The following ERG variants were observed in gnomAD, a reference collection of about 807,000 sequenced individuals.
ERG encodes ETS transcription factor ERG, also known as transcriptional regulator ERG.
ERG carries 9 observed loss-of-function variants against 55.3 expected under a neutral mutation model. That is an observed-to-expected ratio of 0.16 (90% CI 0.10 to 0.28). The LOEUF is 0.28. ERG is among the 10% of genes least tolerant of loss of function. The pLI is 1.00. For synonymous variants in ERG, 223 were observed against 237.3 expected, an observed-to-expected ratio of 0.94 and a Z score of 0.55; for missense variants, 434 against 631.6, an observed-to-expected ratio of 0.69 and a Z score of 3.35.
At chr21:38,619,547 T>C (rs1388956910) in intron 1 of ERG, among the ~76,000 whole-genome samples, 1 of 152,236 alleles carries the variant, frequency 6.6e-6, no homozygotes, top group East Asian at 1.9e-4. Flanking sequence ...CTAGCAATCA[T>C]AAAAGCATCA....
chr21:38,630,945 T>C (rs1366079802), intron 1 of ERG, among the ~76,000 whole-genome samples: 2 of 152,036 alleles, frequency 1.3e-5, no homozygotes, highest in African/African-American at 4.8e-5. Context: ...AAAAAATAAA[T>C]GAAGAAGAAC....
At chr21:38,571,735 A>G (rs1051478228) in intron 2 of ERG, among the ~76,000 whole-genome samples, 2 of 152,040 alleles carry the variant, frequency 1.3e-5, no homozygotes, top group African/African-American at 4.8e-5. Context: ...GTTTTCAACC[A>G]CCCCTCCTTT....
intron 1 of ERG, among the ~76,000 whole-genome samples, chr21:38,493,974 A>G (rs573868214): frequency 1.3e-5 from 2 of 152,334 alleles, no homozygotes; most frequent in African/African-American, 4.8e-5. Context: ...AGAAAAGGTT[A>G]CATCCGCGGG....
chr21:38,390,585 G>A lies in ERG; in HGVS notation c.919+410C>T, dbSNP rs548903522. On this transcript the variant is annotated intron_variant, in intron 9 of 9. Transcript: ENST00000288319. ...GAGAGATGATGATGAGAAGAGACACGAGGAGATGATGGCTATCTGTAAGCC... is the reference window on the plus strand; with the variant it reads ...GAGAGATGATGATGAGAAGAGACACAAGGAGATGATGGCTATCTGTAAGCC... 5.5e-4 allele frequency among the ~76,000 whole-genome samples: 84 copies of A among 152,266 alleles called. 1 individual carries two copies. Among genetic ancestry groups the A allele is most frequent in the African/African-American group, 2.0e-3 (82 of 41,536 alleles).
chr21:38,507,990 C>CAAAGACAG, intron 2 of ERG, among the ~76,000 whole-genome samples: 1 of 150,424 alleles, frequency 6.6e-6, no homozygotes, highest in Non-Finnish European at 1.5e-5. Context: ...CACACAGACA[C>CAAAGACAG]ACACACATGC....
chr21:38,570,577 G>A (rs137859674), intron 2 of ERG, among the ~76,000 whole-genome samples: 1 of 152,014 alleles, frequency 6.6e-6, no homozygotes, highest in Non-Finnish European at 1.5e-5. Flanking sequence ...TACTCAGTGG[G>A]GTCTAAATGT....
chr21:38,431,068 G>C (rs148178113), intron 2 of ERG, among the ~76,000 whole-genome samples: 1 of 152,240 alleles, frequency 6.6e-6, no homozygotes, highest in African/African-American at 2.4e-5. Flanking sequence ...ACAGCAGTTG[G>C]AGAATTAAGT....
At chr21:38,534,416 T>C (rs988249256) in intron 2 of ERG, among the ~76,000 whole-genome samples, 1 of 152,194 alleles carries the variant, frequency 6.6e-6, no homozygotes, top group Admixed American at 6.5e-5. Flanking sequence ...CTTCAACATA[T>C]AGTCTGCTTT....
intron 1 of ERG, among the ~76,000 whole-genome samples, chr21:38,635,954 G>A (rs1257234579): frequency 6.6e-6 from 1 of 152,148 alleles, no homozygotes; most frequent in Admixed American, 6.5e-5. Context: ...GATATGGTTT[G>A]GCTGTGTCCC....
intron 2 of ERG, among the ~76,000 whole-genome samples, chr21:38,424,728 A>T (rs1007854602): frequency 6.6e-6 from 1 of 152,202 alleles, no homozygotes; most frequent in African/African-American, 2.4e-5. Flanking sequence ...CCTGCAGCCA[A>T]TCTTTACATA....
chr21:38,659,429 C>T (rs1357642876), intron 1 of ERG, among the ~76,000 whole-genome samples: 7 of 152,224 alleles, frequency 4.6e-5, no homozygotes, highest in Admixed American at 4.6e-4. Flanking sequence ...GCCCCGGGAG[C>T]GGGCACCAGC....
intron 1 of ERG, among the ~76,000 whole-genome samples, chr21:38,464,043 CGAACACTAGG>C (rs1401091753): frequency 2.0e-5 from 3 of 151,390 alleles, no homozygotes; most frequent in Non-Finnish European, 4.4e-5. Flanking sequence ...GTAAAAACTC[CGAACACTAGG>C]ATGAGCACTG....
At chr21:38,485,759 A>T in intron 1 of ERG, among the ~76,000 whole-genome samples, 1 of 149,686 alleles carries the variant, frequency 6.7e-6, no homozygotes, top group East Asian at 2.0e-4. Context: ...CGCCTGGCCA[A>T]TATACAGTGT....
intron 2 of ERG, among the ~76,000 whole-genome samples, chr21:38,573,627 T>TG (rs1264284172): frequency 1.3e-5 from 2 of 152,246 alleles, no homozygotes; most frequent in Admixed American, 1.3e-4. Flanking sequence ...ACATGTTTTT[T>TG]GCTGACCTTC....
chr21:38,429,534 C>T lies in ERG; in HGVS notation c.237-5973G>A, dbSNP rs1300756522. ...GTGTATATACATGTATGCACATGTA[C>T]ATATATACATATGTGTATATGTACA... is the stretch of plus-strand genomic sequence containing the variant. On this transcript the variant is annotated intron_variant, in intron 2 of 9. Transcript: ENST00000288319. Among the ~76,000 whole-genome samples, 3 of 83,864 alleles carry T rather than the reference C, an allele frequency of 3.6e-5. 1 individual carries two copies. The highest frequency in any genetic ancestry group is 8.1e-5 in the Non-Finnish European group (3 of 37,146). 55.0% of individuals were successfully genotyped at this position (83,864 alleles called of 152,430 possible). A position where few individuals can be genotyped will look rare whatever the true frequency, so the allele number is the denominator to read the frequency against.
In ERG at chr21:38,548,846, C is replaced by A. The variant is rs187052498; in HGVS notation, c.-41+26816G>T. On this transcript the variant is annotated intron_variant, in intron 2 of 8. Transcript: ENST00000398897. ...TGACTTTGGGACGGGCACAGTGGCT[C>A]ACGCCTGTAATCCCAGCACTTTGGG... Among the ~76,000 whole-genome samples the A allele has an allele frequency of 9.3e-3, 1,411 of 150,910 alleles. 30 individuals are homozygous for A. The highest frequency in any genetic ancestry group is 0.032 in the African/African-American group (1,330 of 41,206).
At chr21:38,604,251 CAAAAA>C (rs397972884) in intron 1 of ERG, among the ~76,000 whole-genome samples, 1 of 94,142 alleles carries the variant, frequency 1.1e-5, no homozygotes. Context: ...GAGACTCCGT[CAAAAA>C]AAAAAAAAAA....
chr21:38,451,230 G>T (rs370376264), intron 1 of ERG: 14 of 505,104 alleles, frequency 2.8e-5, no homozygotes, highest in South Asian at 2.0e-4. Context: ...GATGGTAAAC[G>T]GAGAGTGCTG....
Position 38,460,264 on chromosome 21 carries a change from G to C in ERG, c.19-14643C>G, listed in dbSNP as rs1187946127. 1.3e-5 allele frequency among the ~76,000 whole-genome samples: 2 copies of C among 152,168 alleles called. No homozygotes were observed. Among genetic ancestry groups the C allele is most frequent in the Non-Finnish European group, 2.9e-5 (2 of 68,026 alleles). ...CAGGAGGTGAACCAGGAAAGGCTGG[G>C]GGTGGTAGAGCCTTGCAGGCCATGG... On this transcript the variant is annotated intron_variant, in intron 1 of 9. Transcript: ENST00000288319. The surrounding 1 kb of genome is among the most constrained non-coding windows in gnomAD (Gnocchi z 5.0).
Sources: gnomAD v4.1 joint callset for allele counts (sites outside exome capture counted in the v4.1 genomes callset) on GRCh38, gnomAD v4.1.1 for gene constraint, Gnocchi (gnomAD v3.1) non-coding constraint, MANE v1.5 for transcripts, NCBI Gene and HGNC (gene_info 2026-07-23, HGNC 2026-07-21) for gene names.